AP1G1: variants seen among roughly 807,000 people sequenced by gnomAD.
AP1G1 encodes the protein AP-1 complex subunit gamma-1.
Under a neutral mutation model 108.3 loss-of-function variants are expected in AP1G1, and 7 were observed. The ratio of observed to expected loss-of-function variants is 0.06; its 90% CI spans 0.04 to 0.12. The LOEUF (loss-of-function observed/expected upper bound fraction) is 0.12, where lower values mean the gene tolerates loss of function less well. AP1G1 is among the 10% of genes least tolerant of loss of function. AP1G1 has a pLI of 1.00. For missense variants in AP1G1, 756 were observed against 1,010.7 expected, an observed-to-expected ratio of 0.75 and a Z score of 3.42; for synonymous variants, 379 against 353.5, an observed-to-expected ratio of 1.07 and a Z score of -0.81.
chr16:71,808,328 T>C (rs956401135), intron 1 of AP1G1: 43 of 753,404 alleles, frequency 5.7e-5, no homozygotes, highest in Non-Finnish European at 7.3e-5. Flanking sequence ...AACTGGGCAT[T>C]TGGATATGCT....
chr16:71,777,422 G>C (rs2031831523), intron 2 of AP1G1, among the ~76,000 whole-genome samples: 1 of 152,096 alleles, frequency 6.6e-6, no homozygotes, highest in Non-Finnish European at 1.5e-5. Flanking sequence ...GGTAGAGTGA[G>C]GGTGGAGGGG....
chr16:71,791,463 A>G (rs1238475978), intron 1 of AP1G1, among the ~76,000 whole-genome samples: 1 of 152,096 alleles, frequency 6.6e-6, no homozygotes, highest in Non-Finnish European at 1.5e-5. Flanking sequence ...GTAACAAAAC[A>G]TTACTGTAAA....
intron 9 of AP1G1, among the ~76,000 whole-genome samples, chr16:71,762,065 T>G (rs1257786908): frequency 6.6e-6 from 1 of 151,934 alleles, no homozygotes; most frequent in South Asian, 2.1e-4. Flanking sequence ...TAGACAAAAG[T>G]CTACTGTGGC....
chr16:71,760,217 A>T (rs1414969772), intron 10 of AP1G1, among the ~76,000 whole-genome samples: 1 of 141,816 alleles, frequency 7.1e-6, no homozygotes, highest in Non-Finnish European at 1.5e-5. Flanking sequence ...TGCCACAATA[A>T]TTATTTCCAC....
At chr16:71,802,960 A>G (rs186910287) in intron 1 of AP1G1, among the ~76,000 whole-genome samples, 2 of 152,178 alleles carry the variant, frequency 1.3e-5, no homozygotes, top group African/African-American at 4.8e-5. Flanking sequence ...CACACCTATA[A>G]TCCCAGCACT....
At chr16:71,740,110 T>C (rs1597034868) in intron 19 of AP1G1, among the ~76,000 whole-genome samples, 1 of 152,186 alleles carries the variant, frequency 6.6e-6, no homozygotes, top group South Asian at 2.1e-4. Context: ...TATAGGAAGG[T>C]AAACTGGCAC....
chr16:71,787,549 CA>C (rs1189544931), intron 2 of AP1G1, among the ~76,000 whole-genome samples: 2 of 152,130 alleles, frequency 1.3e-5, no homozygotes, highest in East Asian at 3.9e-4. Context: ...GTACTGCTTC[CA>C]AAATGTTAAT....
chr16:71,807,744 C>T (rs1204792203), intron 1 of AP1G1: 4 of 1,154,816 alleles, frequency 3.5e-6, no homozygotes, highest in African/African-American at 3.2e-5. Flanking sequence ...AAAGCACTAA[C>T]TCCTCCCTTC....
intron 2 of AP1G1, among the ~76,000 whole-genome samples, chr16:71,782,650 G>T (rs962803918): frequency 2.0e-5 from 3 of 151,712 alleles, no homozygotes; most frequent in Admixed American, 2.0e-4. Flanking sequence ...ACCACACCTG[G>T]TTAATTTTTG....
chr16:71,744,758 T>C (rs1049755958), intron 19 of AP1G1, among the ~76,000 whole-genome samples: 6 of 151,990 alleles, frequency 3.9e-5, no homozygotes, highest in African/African-American at 1.4e-4. Flanking sequence ...GTATTTTTAG[T>C]AGAGATGGCG....
intron 4 of AP1G1, chr16:71,772,906 T>C: frequency 2.6e-6 from 1 of 385,914 alleles, no homozygotes; most frequent in Non-Finnish European, 5.0e-6. Context: ...TACAAAGATA[T>C]GGGTATTAAT....
intron 17 of AP1G1, 48 bp from the exon 18 acceptor site, chr16:71,745,662 C>T (rs1332794639): frequency 2.0e-6 from 3 of 1,524,048 alleles, no homozygotes; most frequent in Non-Finnish European, 1.8e-6. Flanking sequence ...ACCTAGATTC[C>T]CTACCCAAAA....
intron 2 of AP1G1, 47 bp downstream of exon 2, chr16:71,789,232 C>G: frequency 6.5e-7 from 1 of 1,534,942 alleles, no homozygotes; most frequent in Non-Finnish European, 8.9e-7. Flanking sequence ...CCCTGAGCAA[C>G]AATGTCAAAG....
chr16:71,738,463 T>C (rs1018504178), intron 21 of AP1G1, among the ~76,000 whole-genome samples: 4 of 152,170 alleles, frequency 2.6e-5, no homozygotes, highest in African/African-American at 9.7e-5. Flanking sequence ...CTATAATAAA[T>C]TGGATGTTAA....
At chr16:71,800,326 G>A (rs1485089203) in intron 1 of AP1G1, among the ~76,000 whole-genome samples, 2 of 138,354 alleles carry the variant, frequency 1.4e-5, no homozygotes, top group Admixed American at 7.6e-5. Context: ...AGCCGAGATC[G>A]CACCACTGCA....
At chr16:71,746,524 AT>A in intron 17 of AP1G1, 63 bp downstream of exon 17, 1 of 1,025,544 alleles carries the variant, frequency 9.8e-7, no homozygotes, top group South Asian at 1.6e-5. Context: ...TTCTTTATGG[AT>A]TACCATGACA....
rs2045477131 is a variant in AP1G1 at position 71,731,762 on chromosome 16, T to C, written c.*1296A>G. 1 of 152,662 alleles carries C rather than the reference T, an allele frequency of 6.6e-6. No individual in the cohort carries two copies. The highest frequency in any genetic ancestry group is 1.9e-4 in the East Asian group (1 of 5,198). 9.5% of individuals were successfully genotyped at this position (152,662 alleles called of 1,614,324 possible). ...AGATTCGTCTTTTAAAAGAGACCAA[T>C]TTCTCAGACTGAGGAAAGGCTATTC... On this transcript the variant is annotated 3_prime_UTR_variant, in exon 23 of 23. Transcript: ENST00000299980.
chr16:71,780,004 T>G (rs899772841), intron 2 of AP1G1, among the ~76,000 whole-genome samples: 1 of 150,328 alleles, frequency 6.7e-6, no homozygotes, highest in Non-Finnish European at 1.5e-5. Context: ...TGTTTTTTTT[T>G]TTTTTTTGAG....
chr16:71,774,602 A>C lies in AP1G1; in HGVS notation c.202-10T>G, dbSNP rs2031704117. On this transcript the variant is annotated splice_polypyrimidine_tract_variant and intron_variant, in intron 2 of 22. Coordinates refer to ENST00000299980, the MANE Select transcript of AP1G1 (RefSeq NM_001128.6). ...GCTTGAGGCACTCCAACTGCAAAAA[A>C]AGAAAAAAAAAAAGAAGGAAATTAA... 6.4e-6 allele frequency: 10 copies of C among 1,555,962 alleles called. No individual in the cohort carries two copies. The highest frequency in any genetic ancestry group is 7.8e-6 in the Non-Finnish European group (9 of 1,158,340).
Sources: gnomAD v4.1 joint callset for allele counts (sites outside exome capture counted in the v4.1 genomes callset) on GRCh38, gnomAD v4.1.1 for gene constraint, MANE v1.5 for transcripts, NCBI Gene and HGNC (gene_info 2026-07-23, HGNC 2026-07-21) for gene names.